The following EGFR variants were observed in gnomAD, a reference collection of about 807,000 sequenced individuals.
EGFR encodes the protein avian erythroblastic leukemia viral (v-erb-b) oncogene homolog.
Under a neutral mutation model 143.0 loss-of-function variants are expected in EGFR, and 58 were observed. The ratio of observed to expected loss-of-function variants is 0.41; its 90% CI spans 0.33 to 0.50. The LOEUF (loss-of-function observed/expected upper bound fraction) is 0.50, where lower values mean the gene tolerates loss of function less well. Ranked by LOEUF, EGFR falls within the 20% of genes least tolerant of loss-of-function variation. The probability of loss-of-function intolerance (pLI) is 0.39; values close to 1 mark genes in which losing one functional copy is unlikely to be tolerated. For synonymous variants in EGFR, 613 were observed against 594.4 expected, an observed-to-expected ratio of 1.03 and a Z score of -0.45; for missense variants, 1,307 against 1,579.0, an observed-to-expected ratio of 0.83 and a Z score of 2.92.
At chr7:55,173,274 A>T in intron 17 of EGFR, 150 bp downstream of exon 17, 1 of 1,197,378 alleles carries the variant, frequency 8.4e-7, no homozygotes, top group Non-Finnish European at 1.2e-6. Context: ...AGTTATACCC[A>T]GTTGGTGACA....
chr7:55,204,551 CAT>C lies in EGFR; in HGVS notation c.3272-703_3272-702del, dbSNP rs1345711294. On this transcript the variant is annotated intron_variant, in intron 27 of 27. Coordinates refer to ENST00000275493, the MANE Select transcript of EGFR (RefSeq NM_005228.5). Reference sequence around the variant, plus strand: ...ACACATACGCATATATACACACACACATACACACCACACACATACACACCACA... The same window carrying C: ...ACACATACGCATATATACACACACACACACACCACACACATACACACCACA... Among the ~76,000 whole-genome samples the C allele has an allele frequency of 8.9e-5, 13 of 145,348 alleles. 1 individual carries two copies. The East Asian group carries it at 2.5e-3, about 28-fold the overall frequency.
intron 26 of EGFR, among the ~76,000 whole-genome samples, chr7:55,202,005 A>C (rs1444527792): frequency 1.3e-5 from 2 of 152,018 alleles, no homozygotes; most frequent in Non-Finnish European, 2.9e-5. Context: ...GCCATTTTTC[A>C]GGCCACTGCC....
chr7:55,114,384 G>C (rs781317791), intron 1 of EGFR, among the ~76,000 whole-genome samples: 5 of 152,204 alleles, frequency 3.3e-5, no homozygotes, highest in Non-Finnish European at 4.4e-5. Flanking sequence ...TACTCAGGAA[G>C]CTGAGGCTGG....
chr7:55,059,971 A>G (rs73340797), intron 1 of EGFR, among the ~76,000 whole-genome samples: 2,085 of 152,280 alleles, frequency 0.014, 42 homozygotes, highest in African/African-American at 0.047. Context: ...CCTCGGAAGA[A>G]CTGAAGGCAG....
chr7:55,061,565 T>C (rs570820115), intron 1 of EGFR, among the ~76,000 whole-genome samples: 1 of 151,436 alleles, frequency 6.6e-6, no homozygotes, highest in Non-Finnish European at 1.5e-5. Context: ...CCACATTTGC[T>C]GTGTGAAAGG....
intron 1 of EGFR, among the ~76,000 whole-genome samples, chr7:55,111,667 G>A (rs1325357109): frequency 6.6e-6 from 1 of 152,190 alleles, no homozygotes; most frequent in African/African-American, 2.4e-5. Flanking sequence ...AGTGAGCTAA[G>A]ATGAGATGGT....
intron 1 of EGFR, among the ~76,000 whole-genome samples, chr7:55,023,852 T>G (rs182987319): frequency 6.6e-6 from 1 of 152,250 alleles, no homozygotes; most frequent in African/African-American, 2.4e-5. Flanking sequence ...CCATTAAACA[T>G]CATAGTGTTT....
chr7:55,152,994 C>T (rs142701039), intron 6 of EGFR, among the ~76,000 whole-genome samples: 113 of 152,374 alleles, frequency 7.4e-4, no homozygotes, highest in African/African-American at 2.6e-3. Flanking sequence ...CTAAATACTA[C>T]ATGCAAGTAT....
intron 1 of EGFR, among the ~76,000 whole-genome samples, chr7:55,060,057 G>T (rs1360592974): frequency 6.6e-6 from 1 of 152,206 alleles, no homozygotes; most frequent in Non-Finnish European, 1.5e-5. Context: ...GTTATGCCAC[G>T]TGGGGAAAAC....
At chr7:55,130,106 G>A (rs564457512) in intron 1 of EGFR, among the ~76,000 whole-genome samples, 3 of 152,262 alleles carry the variant, frequency 2.0e-5, no homozygotes, top group South Asian at 4.2e-4. Flanking sequence ...TTCAGAGGAG[G>A]TTTACTGAGC....
intron 24 of EGFR, chr7:55,200,878 C>T (rs2128970926): frequency 2.0e-6 from 1 of 511,232 alleles, no homozygotes; most frequent in Non-Finnish European, 3.5e-6. Flanking sequence ...AAATACGCTC[C>T]CTAACACCTC....
chr7:55,163,525 T>A (rs1785809646), intron 13 of EGFR, among the ~76,000 whole-genome samples: 1 of 152,240 alleles, frequency 6.6e-6, no homozygotes, highest in Non-Finnish European at 1.5e-5. Flanking sequence ...AAAGATATCT[T>A]GATTATGAAT....
At chr7:55,202,790 A>G (rs1167367843) in intron 27 of EGFR, 165 bp downstream of exon 27, 3 of 727,564 alleles carry the variant, frequency 4.1e-6, no homozygotes, top group Non-Finnish European at 7.4e-6. Context: ...AGATAAACAC[A>G]TGACCGAGCC....
intron 1 of EGFR, among the ~76,000 whole-genome samples, chr7:55,118,852 T>C (rs1793029485): frequency 2.0e-5 from 3 of 152,224 alleles, no homozygotes. Flanking sequence ...ATTCAGTGTT[T>C]TCTCAGTAGC....
chr7:55,109,219 T>TA (rs1191114799), intron 1 of EGFR, among the ~76,000 whole-genome samples: 2 of 152,372 alleles, frequency 1.3e-5, no homozygotes, highest in Non-Finnish European at 1.5e-5. Context: ...CAAAGTCATT[T>TA]AAAATCTATT....
At chr7:55,082,012 G>C (rs996534408) in intron 1 of EGFR, among the ~76,000 whole-genome samples, 1 of 151,758 alleles carries the variant, frequency 6.6e-6, no homozygotes, top group Non-Finnish European at 1.5e-5. Context: ...TTTTCTTTTT[G>C]TTCCTTGTTA....
rs2128933845 is a variant in EGFR at position 55,152,634 on chromosome 7, C to A, written c.717C>A (p.Gly239=). 6.2e-7 allele frequency: 1 copy of A among 1,613,862 alleles called. No homozygotes were observed. Among genetic ancestry groups the A allele is most frequent in the South Asian group, 1.1e-5 (1 of 91,084 alleles). Residue 239 remains glycine (G), a synonymous_variant, in exon 6 of 28, where the codon GGC becomes GGA. Transcript: ENST00000275493. ...SDCCHNQCAA[G]CTGPRESDCL... ...GCTGCCACAACCAGTGTGCTGCAGG[C>A]TGCACAGGCCCCCGGGAGAGCGACT...
At chr7:55,182,724 C>T (rs1786945780) in intron 20 of EGFR, among the ~76,000 whole-genome samples, 1 of 152,152 alleles carries the variant, frequency 6.6e-6, no homozygotes, top group Non-Finnish European at 1.5e-5. Context: ...ACAGGCGGCC[C>T]CCAGCACCCC....
At chr7:55,132,329 A>C (rs2128920825) in intron 1 of EGFR, among the ~76,000 whole-genome samples, 1 of 152,334 alleles carries the variant, frequency 6.6e-6, no homozygotes, top group African/African-American at 2.4e-5. Flanking sequence ...TTTCCTTGCA[A>C]ATTACATATC....
Sources: allele counts gnomAD v4.1 joint callset (sites outside exome capture counted in the v4.1 genomes callset), GRCh38; gene constraint gnomAD v4.1.1; transcripts MANE v1.5; gene names NCBI Gene and HGNC (gene_info 2026-07-23, HGNC 2026-07-21).